NTRK3: variants seen among roughly 807,000 people sequenced by gnomAD.
The protein encoded by NTRK3 is NT-3 growth factor receptor.
NTRK3 carries 24 observed loss-of-function variants against 91.7 expected under a neutral mutation model. The observed-to-expected ratio is 0.26, with a 90% CI of 0.19 to 0.37. The LOEUF is 0.37. NTRK3 is among the 10% of genes least tolerant of loss of function. NTRK3 has a pLI of 1.00. For synonymous variants in NTRK3, 483 were observed against 404.0 expected (o/e 1.20, Z -2.34); for missense variants, 880 against 1,068.9 (o/e 0.82, Z 2.46).
intron 5 of NTRK3, among the ~76,000 whole-genome samples, chr15:88,153,268 G>C (rs2043562955): frequency 6.6e-6 from 1 of 151,882 alleles, no homozygotes; most frequent in Non-Finnish European, 1.5e-5. Context: ...TTGAGATGGA[G>C]TTTCACTCTT....
intron 14 of NTRK3, among the ~76,000 whole-genome samples, chr15:88,004,568 G>A (rs2076354643): frequency 6.6e-6 from 1 of 152,016 alleles, no homozygotes; most frequent in Non-Finnish European, 1.5e-5. Flanking sequence ...AACAGCTGTT[G>A]GAAAAAAGAA....
rs1596031670 is a variant in NTRK3 at position 87,866,577 on chromosome 15, T to C, written c.*10358A>G. ...TTAGACATTATGAATTTGTTTTTAA[T>C]AGTAAATATGGTTATTTGTGTTTTT... On this transcript the variant is annotated 3_prime_UTR_variant, in exon 19 of 19. Coordinates refer to ENST00000394480, the Ensembl canonical transcript of NTRK3. 2.2e-5 allele frequency: 4 copies of C among 179,772 alleles called. 1 individual carries two copies. In the Admixed American group the frequency reaches 2.5e-4, roughly 11 times the overall value. The allele number at this position is 179,772 out of a possible 1,614,324, so 11.1% of individuals were successfully genotyped here.
At chr15:87,877,530 G>C (rs1236015224) in intron 18 of NTRK3, among the ~76,000 whole-genome samples, 1 of 152,010 alleles carries the variant, frequency 6.6e-6, no homozygotes, top group African/African-American at 2.4e-5. Context: ...GCCTCACTTT[G>C]AAACTGCCAT....
intron 17 of NTRK3, among the ~76,000 whole-genome samples, chr15:87,899,565 C>A (rs957010185): frequency 6.6e-6 from 1 of 152,138 alleles, no homozygotes; most frequent in Admixed American, 6.5e-5. Flanking sequence ...TGGAGGGAGA[C>A]CCGAGCCTTT....
At chr15:88,211,526 C>A (rs2049247979) in intron 3 of NTRK3, among the ~76,000 whole-genome samples, 1 of 151,814 alleles carries the variant, frequency 6.6e-6, no homozygotes, top group South Asian at 2.1e-4. Context: ...GGGTATACAC[C>A]CAGAAGAATT....
At chr15:87,982,720 G>A (rs16941103) in intron 14 of NTRK3, among the ~76,000 whole-genome samples, 74,437 of 152,158 alleles carry the variant, frequency 0.49, 19,374 homozygotes, top group African/African-American at 0.67. Context: ...AGAGCTGGTT[G>A]AATCTCTAAA....
chr15:88,161,773 G>C (rs1240249865), intron 5 of NTRK3, among the ~76,000 whole-genome samples: 1 of 152,158 alleles, frequency 6.6e-6, no homozygotes, highest in Non-Finnish European at 1.5e-5. Flanking sequence ...GGAGGGATTT[G>C]GGCAGGAGAT....
In NTRK3 at chr15:88,228,964, G is replaced by A. The variant is rs893396839; in HGVS notation, c.248+26942C>T. ...GGACCTCTGGGGAGCTCCCTCCTTT[G>A]CTGGTGTGCTCACTCCTTACCCCTC... On this transcript the variant is annotated intron_variant, in intron 3 of 18. Transcript: ENST00000394480. 3.9e-5 allele frequency among the ~76,000 whole-genome samples: 6 copies of A among 152,124 alleles called. 1 individual carries two copies. Among genetic ancestry groups the A allele is most frequent in the Non-Finnish European group, 4.4e-5 (3 of 68,020 alleles).
At chr15:88,024,784 G>A (rs1163433072) in intron 14 of NTRK3, among the ~76,000 whole-genome samples, 2 of 152,240 alleles carry the variant, frequency 1.3e-5, no homozygotes, top group African/African-American at 4.8e-5. Context: ...GCCTGGAAAG[G>A]TGGGGTTCAG....
chr15:88,091,181 G>C (rs1348216713), intron 13 of NTRK3, among the ~76,000 whole-genome samples: 3 of 152,124 alleles, frequency 2.0e-5, no homozygotes, highest in African/African-American at 7.2e-5. Flanking sequence ...ACTGATGAAA[G>C]GGGAAAAAGG....
chr15:88,211,926 T>C (rs2049281950), intron 3 of NTRK3, among the ~76,000 whole-genome samples: 1 of 152,228 alleles, frequency 6.6e-6, no homozygotes, highest in African/African-American at 2.4e-5. Context: ...TCTATATGGC[T>C]CATGAACACA....
At chr15:87,972,594 T>C (rs956360394) in intron 14 of NTRK3, among the ~76,000 whole-genome samples, 12 of 152,140 alleles carry the variant, frequency 7.9e-5, no homozygotes, top group Admixed American at 6.5e-4. Context: ...AAGGCCCCAG[T>C]CCCCACCCAT....
chr15:88,198,852 A>T (rs2048052342), intron 3 of NTRK3, among the ~76,000 whole-genome samples: 1 of 152,088 alleles, frequency 6.6e-6, no homozygotes, highest in African/African-American at 2.4e-5. Flanking sequence ...CAAAACAGAG[A>T]GCTGAGGAGA....
At chr15:88,163,148 C>T (rs1055723357) in intron 5 of NTRK3, among the ~76,000 whole-genome samples, 1 of 152,142 alleles carries the variant, frequency 6.6e-6, no homozygotes, top group Admixed American at 6.5e-5. Flanking sequence ...AGGCTCCCAA[C>T]TCATACAGAA....
At chr15:88,010,233 C>T (rs1170093644) in intron 14 of NTRK3, among the ~76,000 whole-genome samples, 1 of 152,170 alleles carries the variant, frequency 6.6e-6, no homozygotes, top group Non-Finnish European at 1.5e-5. Flanking sequence ...TCCAACATCA[C>T]CTCTCTTGTG....
At chr15:88,019,825 G>A (rs2077483637) in intron 14 of NTRK3, among the ~76,000 whole-genome samples, 1 of 152,204 alleles carries the variant, frequency 6.6e-6, no homozygotes, top group East Asian at 1.9e-4. Context: ...GTTTAGCTGA[G>A]TTATGTGATG....
chr15:88,079,795 T>C (rs1182069145), intron 13 of NTRK3, among the ~76,000 whole-genome samples: 1 of 152,142 alleles, frequency 6.6e-6, no homozygotes, highest in East Asian at 1.9e-4. Context: ...ATTAAATCCC[T>C]AACTTGAAGA....
At chr15:88,036,963 T>G (rs1482283917) in intron 13 of NTRK3, among the ~76,000 whole-genome samples, 1 of 152,204 alleles carries the variant, frequency 6.6e-6, no homozygotes, top group Non-Finnish European at 1.5e-5. Context: ...AGTCCATAGA[T>G]AGCAAGTAGT....
exon 19 of NTRK3, chr15:87,871,308 T>C: frequency 4.3e-6 from 1 of 231,388 alleles, no homozygotes. Context: ...AAGCCAAGAT[T>C]CAGCTCTTCA....
Sources: gnomAD v4.1 joint callset for allele counts (sites outside exome capture counted in the v4.1 genomes callset) on GRCh38, gnomAD v4.1.1 for gene constraint, MANE v1.5 for transcripts, NCBI Gene and HGNC (gene_info 2026-07-23, HGNC 2026-07-21) for gene names.